The following OGA variants were observed in gnomAD, a reference collection of about 807,000 sequenced individuals.
The protein encoded by OGA is O-GlcNAcase, also known as protein O-GlcNAcase.
OGA carries 21 observed loss-of-function variants against 102.0 expected under a neutral mutation model. That is an observed-to-expected ratio of 0.21 (90% CI 0.15 to 0.30). The LOEUF is 0.30. Among genes scored for constraint, OGA ranks in the 10% least tolerant of loss-of-function variants. OGA has a pLI of 1.00. For missense variants in OGA, 765 were observed against 1,107.8 expected (o/e 0.69, Z 4.39); for synonymous variants, 408 against 378.2 (o/e 1.08, Z -0.91).
intron 14 of OGA, chr10:101,787,728 G>A (rs2065207267): frequency 1.9e-6 from 1 of 536,240 alleles, no homozygotes; most frequent in East Asian, 3.0e-5. Flanking sequence ...CCAGGCTGGA[G>A]AGGGGCAGGC....
At chr10:101,804,159 CACAGCGAG>C (rs1177599936) in intron 6 of OGA, 140 bp from the exon 7 acceptor site, 1 of 498,892 alleles carries the variant, frequency 2.0e-6, no homozygotes, top group Non-Finnish European at 3.5e-6. Flanking sequence ...GCCTGGGCAA[CACAGCGAG>C]ACCCTATCTT....
chr10:101,794,402 G>A (rs1260228574), intron 10 of OGA, among the ~76,000 whole-genome samples: 1 of 152,170 alleles, frequency 6.6e-6, no homozygotes, highest in African/African-American at 2.4e-5. Flanking sequence ...AATTCAACCT[G>A]TCTGAAGTCA....
At chr10:101,803,698 T>A in intron 7 of OGA, 37 bp downstream of exon 7, 2 of 1,571,186 alleles carry the variant, frequency 1.3e-6, no homozygotes, top group South Asian at 2.3e-5. Context: ...ACCCCAGCTC[T>A]CCTCCCAAGG....
chr10:101,792,828 G>T lies in OGA; in HGVS notation c.2175+11C>A. 2 of 1,562,256 alleles carry T rather than the reference G, an allele frequency of 1.3e-6. No homozygotes were observed. The highest frequency in any genetic ancestry group is 1.7e-5 in the Admixed American group (1 of 59,882). On this transcript the variant is annotated intron_variant, in intron 12 of 15. Coordinates refer to ENST00000361464, the MANE Select transcript of OGA (RefSeq NM_012215.5). ...CCCATACACCAAGTTGGTAGGTAGA[G>T]AGACAATTACCTCATCCTTAGGAAA...
In OGA at chr10:101,799,312, C is replaced by T. The variant is rs2065359617; in HGVS notation, c.1339G>A (p.Glu447Lys). Reference sequence around the variant, plus strand: ...TCTTCCTTGGTCAGAGTAGTAGGCTCACCACTCAAGGCTGCTCCCTGGCTC... The same window carrying T: ...TCTTCCTTGGTCAGAGTAGTAGGCTTACCACTCAAGGCTGCTCCCTGGCTC... ...IMSQGAALSG[E>K]PTTLTKEEEK... Residue 447 changes from glutamate to lysine, a missense_variant, in exon 9 of 16, where the codon GAG (glutamate) becomes AAG (lysine). Glu to Lys is a moderately conservative substitution (Grantham distance 56). Transcript: ENST00000361464. 3 of 1,614,118 alleles carry T rather than the reference C, an allele frequency of 1.9e-6. No individual in the cohort carries two copies. The highest frequency in any genetic ancestry group is 1.3e-5 in the African/African-American group (1 of 75,012).
Position 101,799,420 on chromosome 10 carries a change from C to T in OGA, c.1231G>A (p.Val411Ile), listed in dbSNP as rs764805316. Residue 411 changes from valine to isoleucine, a missense_variant, in exon 9 of 16, where the codon GTA (valine) becomes ATA (isoleucine). By Grantham distance (29) the Val-to-Ile change is conservative. Around this residue, in one of 7 missense-constraint regions of OGA, gnomAD observed 281 missense variants for 345.8 expected, o/e 0.81. Coordinates refer to ENST00000361464, the MANE Select transcript of OGA (RefSeq NM_012215.5). ...GCAACTAAAGGAGTCCCATCAACTA[C>T]ACTTGCTTTAGCTCCACTGTGTGCA... Reference protein sequence around the residue: ...QVAHSGAKASVVDGTPLVAAP... With the variant: ...QVAHSGAKASIVDGTPLVAAP... 1 of 1,613,854 alleles carries T rather than the reference C, an allele frequency of 6.2e-7. No individual in the cohort carries two copies. Among genetic ancestry groups the T allele is most frequent in the African/African-American group, 1.3e-5 (1 of 74,916 alleles).
At position 101,786,523 on chromosome 10, in the gene OGA, C is replaced by G. The variant is rs1371936286; in HGVS notation, c.2679G>C (p.Lys893Asn). The G allele has an allele frequency of 6.2e-7, 1 of 1,612,366 alleles. No individual in the cohort carries two copies. The highest frequency in any genetic ancestry group is 8.5e-7 in the Non-Finnish European group (1 of 1,179,274). ...DDKRILEFYSKLGCFEIAKME... is the reference protein window; with the variant it reads ...DDKRILEFYSNLGCFEIAKME... Reference sequence around the variant, plus strand: ...TTTTTGCAATTTCAAAACATCCTAACTTGCTGTAAAATTCCAGAATTCTTT... The same window carrying G: ...TTTTTGCAATTTCAAAACATCCTAAGTTGCTGTAAAATTCCAGAATTCTTT... The change falls in exon 16 of 16, where the codon AAG (lysine) becomes AAC (asparagine). Residue 893 changes from lysine to asparagine, a missense_variant. This residue lies in a region of OGA where 146 missense variants were observed against 269.7 expected (regional missense o/e 0.54). Transcript: ENST00000361464.
chr10:101,810,125 A>T, intron 4 of OGA, 59 bp downstream of exon 4: 2 of 1,441,184 alleles, frequency 1.4e-6, no homozygotes, highest in Non-Finnish European at 1.9e-6. Flanking sequence ...AAAGCAACTG[A>T]GTAAACTTCT....
chr10:101,797,920 A>G (rs781695647), intron 10 of OGA, 60 bp downstream of exon 10: 43 of 1,517,124 alleles, frequency 2.8e-5, no homozygotes, highest in Non-Finnish European at 3.8e-5. Flanking sequence ...TCCCTGTGGG[A>G]TAATTTTTTT....
intron 3 of OGA, among the ~76,000 whole-genome samples, chr10:101,811,402 AAATG>A: frequency 7.1e-6 from 1 of 140,078 alleles, no homozygotes; most frequent in African/African-American, 2.6e-5. Flanking sequence ...AAATGAAAAA[AAATG>A]AAAAAAAAAA....
In OGA at chr10:101,798,184, A is replaced by C. The variant is rs1564643162; in HGVS notation, c.1810-30T>G. The C allele has an allele frequency of 3.1e-6, 5 of 1,602,614 alleles. No homozygotes were observed. In the South Asian group the frequency reaches 5.6e-5, roughly 18 times the overall value. On this transcript the variant is annotated intron_variant, in intron 9 of 15. Coordinates refer to ENST00000361464, the MANE Select transcript of OGA (RefSeq NM_012215.5). The stretch of plus-strand genomic sequence containing the variant: ...TGAAGATCAATAAAAAGACTCAAAA[A>C]ACTGTAAGCTTAACAAAATAATCTG...
chr10:101,793,851 C>G lies in OGA; in HGVS notation c.2070+62G>C. On this transcript the variant is annotated intron_variant, in intron 11 of 15. Transcript: ENST00000361464. ...CCAATCCTTCCAGCCATCTGATGCG[C>G]AACATAAGGTTTCTCATAAAACAAA... 7.9e-6 allele frequency: 10 copies of G among 1,266,638 alleles called. No individual in the cohort carries two copies. In the South Asian group the frequency reaches 1.2e-4, roughly 16 times the overall value. 78.5% of individuals were successfully genotyped at this position (1,266,638 alleles called of 1,614,324 possible).
At position 101,807,046 on chromosome 10, in the gene OGA, A is replaced by G. The variant is rs1050646187; in HGVS notation, c.652+684T>C. Among the ~76,000 whole-genome samples, 10 of 152,362 alleles carry G rather than the reference A, an allele frequency of 6.6e-5. No homozygotes were observed. In the East Asian group the frequency reaches 1.2e-3, roughly 18 times the overall value. On this transcript the variant is annotated intron_variant, in intron 5 of 15. Transcript: ENST00000361464. ...AGTACTCAACTGCAACTTAAACTGT[A>G]ACTTGCAGCTAATTAATTCCCAGTA...
Position 101,786,356 on chromosome 10 carries a change from T to C in OGA, c.*95A>G. ...GTTTCGAATCCAATTGGCTGATTTGTTACCATTCTAGAGGCTGAACTGTAT... is the reference window on the plus strand; with the variant it reads ...GTTTCGAATCCAATTGGCTGATTTGCTACCATTCTAGAGGCTGAACTGTAT... On this transcript the variant is annotated 3_prime_UTR_variant, in exon 16 of 16. Coordinates refer to ENST00000361464, the MANE Select transcript of OGA (RefSeq NM_012215.5). The C allele has an allele frequency of 7.9e-7, 1 of 1,272,916 alleles. No individual in the cohort carries two copies. Among genetic ancestry groups the C allele is most frequent in the Non-Finnish European group, 1.0e-6 (1 of 964,402 alleles). The allele number at this position is 1,272,916 out of a possible 1,614,324, so 78.9% of individuals were successfully genotyped here.
chr10:101,813,136 G>A lies in OGA; in HGVS notation c.252-9C>T. 1.3e-6 allele frequency: 2 copies of A among 1,566,948 alleles called. No homozygotes were observed. The highest frequency in any genetic ancestry group is 1.4e-5 in the African/African-American group (1 of 73,318). On this transcript the variant is annotated splice_polypyrimidine_tract_variant and intron_variant, in intron 2 of 15. Transcript: ENST00000361464. ...ATTCCCATTTCTGGAGCCTTAAGGA[G>A]AAAGAAAATTACATATGTATAAACA...
At chr10:101,815,310 ACT>A (rs2135100813) in intron 1 of OGA, among the ~76,000 whole-genome samples, 1 of 150,880 alleles carries the variant, frequency 6.6e-6, no homozygotes, top group African/African-American at 2.4e-5. Flanking sequence ...GCGGAATCTC[ACT>A]CTGTCGCCCA....
intron 8 of OGA, among the ~76,000 whole-genome samples, 168 bp downstream of exon 8, chr10:101,800,074 T>C (rs918380122): frequency 2.0e-5 from 3 of 152,148 alleles, no homozygotes; most frequent in African/African-American, 7.2e-5. Flanking sequence ...GGTTTCACTA[T>C]GTTGGCCAGG....
chr10:101,817,141 G>A (rs1024494882), intron 1 of OGA, among the ~76,000 whole-genome samples: 15 of 152,186 alleles, frequency 9.9e-5, no homozygotes, highest in Non-Finnish European at 2.2e-4. Context: ...CTTTTCGACT[G>A]TAAATGGGAA....
At chr10:101,809,797 C>T (rs1440175928) in intron 4 of OGA, among the ~76,000 whole-genome samples, 2 of 151,680 alleles carry the variant, frequency 1.3e-5, no homozygotes, top group Non-Finnish European at 2.9e-5. Context: ...TGACTCACAC[C>T]TGTAATCCCA....
Sources: allele counts gnomAD v4.1 joint callset (sites outside exome capture counted in the v4.1 genomes callset), GRCh38; gene constraint gnomAD v4.1.1; regional missense constraint gnomAD v4.1.1; transcripts MANE v1.5; gene names NCBI Gene and HGNC (gene_info 2026-07-23, HGNC 2026-07-21).